Variants in NXNL1 observed in about 807,000 individuals in gnomAD.
NXNL1 encodes nucleoredoxin like 1.
A neutral mutation model predicts 7.2 loss-of-function variants in NXNL1; 6 were observed. The ratio of observed to expected loss-of-function variants is 0.83; its 90% CI spans 0.46 to 1.64. NXNL1 has a LOEUF of 1.64. Among genes scored for constraint, NXNL1 ranks in the 40% most tolerant of loss-of-function variants. The pLI is 0.01. For synonymous variants in NXNL1, 133 were observed against 127.2 expected (o/e 1.05, Z -0.31); for missense variants, 308 against 285.1 (o/e 1.08, Z -0.58).
rs1192066666 is a variant in NXNL1, at chr19:17,455,619, C to T, written c.*28G>A. On this transcript the variant is annotated 3_prime_UTR_variant, in exon 2 of 2. Coordinates refer to ENST00000301944, the MANE Select transcript of NXNL1 (RefSeq NM_138454.2). ...GTGGGGGTGGAGGTTCATCAACAAA[C>T]CCCACTCCTCTCCTCCACCCTAGCG... 2.3e-6 allele frequency: 3 copies of T among 1,324,772 alleles called. No individual in the cohort carries two copies. Among genetic ancestry groups the T allele is most frequent in the Admixed American group, 4.1e-5 (2 of 48,214 alleles). 82.1% of individuals were successfully genotyped at this position (1,324,772 alleles called of 1,614,324 possible).
At position 17,455,847 on chromosome 19, in the gene NXNL1, C is replaced by G; in HGVS notation, c.439G>C (p.Ala147Pro). The stretch of plus-strand genomic sequence containing the variant: ...GCCTCCTGCCAGTTGGCGAAGCAGG[C>G]GGTGCCCAGGCGCTGGATCTCGTCG... ...GADEIQRLGT[A>P]CFANWQEAAE... Residue 147 changes from alanine (A) to proline (P), a missense_variant, in exon 2 of 2, where the codon GCC (alanine) becomes CCC (proline). Physicochemically the swap from Ala to Pro is conservative, Grantham distance 27 (BLOSUM62 -1). Coordinates refer to ENST00000301944, the MANE Select transcript of NXNL1 (RefSeq NM_138454.2). The G allele has an allele frequency of 1.3e-6, 2 of 1,588,100 alleles. No individual in the cohort carries two copies. Among genetic ancestry groups the G allele is most frequent in the Non-Finnish European group, 8.5e-7 (1 of 1,173,728 alleles).
In NXNL1 at chr19:17,460,814, T is replaced by C. The variant is rs775587234; in HGVS notation, c.56A>G (p.Glu19Gly). The C allele has an allele frequency of 8.7e-6, 14 of 1,613,796 alleles. No individual in the cohort carries two copies. Among genetic ancestry groups the C allele is most frequent in the Non-Finnish European group, 1.2e-5 (14 of 1,180,022 alleles). Residue 19 changes from glutamate to glycine, a missense_variant, in exon 1 of 2, where the codon GAG becomes GGG. Physicochemically the swap from Glu to Gly is moderately conservative, Grantham distance 98. Coordinates refer to ENST00000301944, the MANE Select transcript of NXNL1 (RefSeq NM_138454.2). ...ACTGACCTCAGCCTCCGTATCCAGC[T>C]CGTCCTGGTCGCTATTGTTGCGGAT... is the stretch of plus-strand genomic sequence containing the variant. ...ILIRNNSDQD[E>G]LDTEAEVSRR...
chr19:17,456,247 A>T (rs973528707), intron 1 of NXNL1, among the ~76,000 whole-genome samples: 2 of 151,586 alleles, frequency 1.3e-5, no homozygotes, highest in African/African-American at 4.9e-5. Context: ...TAGTATGGAG[A>T]CCTCACATCG....
chr19:17,460,249 G>A (rs1160452945), intron 1 of NXNL1, among the ~76,000 whole-genome samples: 1 of 152,158 alleles, frequency 6.6e-6, no homozygotes, highest in East Asian at 1.9e-4. Context: ...GACCTCAGGT[G>A]ATCTGCCCAC....
Position 17,460,641 on chromosome 19 carries a change from A to G in NXNL1, c.229T>C (p.Tyr77His). 1.9e-6 allele frequency: 3 copies of G among 1,612,986 alleles called. No homozygotes were observed. Among genetic ancestry groups the G allele is most frequent in the Non-Finnish European group, 2.5e-6 (3 of 1,180,026 alleles). The change falls in exon 1 of 2, where the codon TAC becomes CAC. Residue 77 changes from tyrosine to histidine, a missense_variant. Tyr to His is a moderately conservative substitution (Grantham distance 83). Transcript: ENST00000301944. ...VLRAAQLALV[Y>H]VSQDSTEEQQ... Reference sequence around the variant, plus strand: ...TCCTCCGTGGAGTCCTGGGACACGTACACCAGGGCCAGCTGAGCCGCCCGC... The same window carrying G: ...TCCTCCGTGGAGTCCTGGGACACGTGCACCAGGGCCAGCTGAGCCGCCCGC...
Position 17,460,699 on chromosome 19 carries a change from G to A in NXNL1, c.171C>T (p.Phe57=). The part of the protein sequence containing the change: ...CQAFVPILKD[F]FVRLTDEFYV... ...AGAACTCATCTGTGAGCCGCACGAA[G>A]AAGTCCTTGAGGATGGGCACGAAGG... is the stretch of plus-strand genomic sequence containing the variant. The change falls in exon 1 of 2, where the codon TTC becomes TTT. Residue 57 remains phenylalanine (F), a synonymous_variant. Transcript: ENST00000301944. 6.2e-7 allele frequency: 1 copy of A among 1,613,816 alleles called. No individual in the cohort carries two copies. The highest frequency in any genetic ancestry group is 8.5e-7 in the Non-Finnish European group (1 of 1,180,026).
Position 17,455,612 on chromosome 19 carries a change from C to T in NXNL1, c.*35G>A, listed in dbSNP as rs532028003. 1,069 of 1,294,110 alleles carry T rather than the reference C, an allele frequency of 8.3e-4. 6 individuals carry two copies. In the Middle Eastern group the frequency reaches 0.011, roughly 13 times the overall value. The allele number at this position is 1,294,110 out of a possible 1,614,324, so 80.2% of individuals were successfully genotyped here. A position where few individuals can be genotyped will look rare whatever the true frequency, so the allele number is the denominator to read the frequency against. The stretch of plus-strand genomic sequence containing the variant: ...GGGTGGGGTGGGGGTGGAGGTTCAT[C>T]AACAAACCCCACTCCTCTCCTCCAC... On this transcript the variant is annotated 3_prime_UTR_variant, in exon 2 of 2. Coordinates refer to ENST00000301944, the MANE Select transcript of NXNL1 (RefSeq NM_138454.2).
At chr19:17,456,307 C>CAGAT (rs146381959) in intron 1 of NXNL1, among the ~76,000 whole-genome samples, 1 of 140,394 alleles carries the variant, frequency 7.1e-6, no homozygotes, top group Non-Finnish European at 1.5e-5. Context: ...CCTGTCTCTA[C>CAGAT]AAATAAATAA....
chr19:17,456,567 A>G (rs1247227621), intron 1 of NXNL1, among the ~76,000 whole-genome samples: 3 of 151,990 alleles, frequency 2.0e-5, no homozygotes, highest in African/African-American at 7.2e-5. Context: ...TCAGCACCCA[A>G]CATCATGTAT....
At chr19:17,458,596 ATTTTT>A (rs34265338) in intron 1 of NXNL1, among the ~76,000 whole-genome samples, 17,390 of 87,984 alleles carry the variant, frequency 0.2, 966 homozygotes, top group Non-Finnish European at 0.21. Context: ...GATCTTTTTA[ATTTTT>A]TTTTTTTTTT....
intron 1 of NXNL1, 44 bp from the exon 2 acceptor site, chr19:17,456,003 T>C: frequency 6.3e-7 from 1 of 1,595,294 alleles, no homozygotes. Flanking sequence ...ACATCCCTGA[T>C]GCTGAACCAG....
intron 1 of NXNL1, among the ~76,000 whole-genome samples, chr19:17,460,176 A>G (rs918177780): frequency 1.3e-5 from 2 of 151,778 alleles, no homozygotes; most frequent in African/African-American, 2.4e-5. Flanking sequence ...ACGCCTGGAT[A>G]ATTTTTGTAT....
chr19:17,458,207 TTTTTCTTTCTTTC>T (rs2074999808), intron 1 of NXNL1, among the ~76,000 whole-genome samples: 1 of 145,128 alleles, frequency 6.9e-6, no homozygotes, highest in Non-Finnish European at 1.5e-5. Context: ...TCTTTCTTTC[TTTTTCTTTCTTTC>T]TTTTTTTTTT....
intron 1 of NXNL1, among the ~76,000 whole-genome samples, chr19:17,459,036 C>T (rs1003634839): frequency 6.6e-6 from 1 of 152,154 alleles, no homozygotes; most frequent in African/African-American, 2.4e-5. Flanking sequence ...GCTGGGATTG[C>T]AGGTGTCAGC....
chr19:17,455,902 C>T lies in NXNL1; in HGVS notation c.384G>A (p.Pro128=), dbSNP rs1293499146. 5.6e-6 allele frequency: 9 copies of T among 1,594,404 alleles called. No homozygotes were observed. The highest frequency in any genetic ancestry group is 7.6e-6 in the Non-Finnish European group (9 of 1,177,720). Residue 128 remains proline, a synonymous_variant, in exon 2 of 2, where the codon CCG becomes CCA. Transcript: ENST00000301944. ...ERLPAVVVLK[P]DGDVLTRDGA... ...CGTCGCGAGTGAGCACGTCCCCGTC[C>T]GGCTTGAGCACCACGACCGCCGGCA...
In NXNL1 at chr19:17,455,668, G is replaced by GGGCGCCC; in HGVS notation, c.617_618insGGGCGCC (p.Gly209ArgfsTer10). On this transcript the variant is annotated frameshift_variant, in exon 2 of 2. Coordinates refer to ENST00000301944, the MANE Select transcript of NXNL1 (RefSeq NM_138454.2). LOFTEE classifies it high-confidence loss of function. ...CGGGTCAGAACAGCCCCCCGGCCCC[G>GGGCGCCC]CCCTCCTCCCCACCCCCTCCCCCGG... 3.0e-6 allele frequency: 1 copy of GGGCGCCC among 330,288 alleles called. No homozygotes were observed. The highest frequency in any genetic ancestry group is 7.7e-5 in the East Asian group (1 of 12,974). The allele number at this position is 330,288 out of a possible 1,614,324, so 20.5% of individuals were successfully genotyped here.
chr19:17,457,905 A>T (rs1411427430), intron 1 of NXNL1, among the ~76,000 whole-genome samples: 1 of 152,194 alleles, frequency 6.6e-6, no homozygotes, highest in Non-Finnish European at 1.5e-5. Context: ...AACTCTGATG[A>T]TGTCCAAATT....
chr19:17,456,052 C>G, intron 1 of NXNL1, 93 bp from the exon 2 acceptor site: 2 of 1,549,460 alleles, frequency 1.3e-6, no homozygotes, highest in Non-Finnish European at 8.6e-7. Flanking sequence ...TAGGCAGCGC[C>G]TTCTGTGTGC....
chr19:17,455,672 T>TCCCCCCCCCC lies in NXNL1; in HGVS notation c.613_614insGGGGGGGGGG (p.Glu205GlyfsTer15). On this transcript the variant is annotated frameshift_variant, in exon 2 of 2. Transcript: ENST00000301944. LOFTEE classifies it high-confidence loss of function. Reference sequence around the variant, plus strand: ...TCAGAACAGCCCCCCGGCCCCGCCCTCCTCCCCACCCCCTCCCCCGGGGTC... The same window carrying TCCCCCCCCCC: ...TCAGAACAGCCCCCCGGCCCCGCCCTCCCCCCCCCCCCTCCCCACCCCCTCCCCCGGGGTC... 2.4e-6 allele frequency: 1 copy of TCCCCCCCCCC among 419,172 alleles called. No homozygotes were observed. Among genetic ancestry groups the TCCCCCCCCCC allele is most frequent in the South Asian group, 3.2e-5 (1 of 31,302 alleles). 26.0% of individuals were successfully genotyped at this position (419,172 alleles called of 1,614,324 possible).
Sources: gnomAD v4.1 joint callset for allele counts (sites outside exome capture counted in the v4.1 genomes callset) on GRCh38, gnomAD v4.1.1 for gene constraint, MANE v1.5 for transcripts, NCBI Gene and HGNC (gene_info 2026-07-23, HGNC 2026-07-21) for gene names.